The following MAPK14 variants were observed in gnomAD, a reference collection of about 807,000 sequenced individuals.
The protein encoded by MAPK14 is CSAID-binding protein.
A neutral mutation model predicts 49.6 loss-of-function variants in MAPK14; 16 were observed. The observed-to-expected ratio is 0.32, with a 90% CI of 0.22 to 0.49. The LOEUF (loss-of-function observed/expected upper bound fraction) is 0.49, where lower values mean the gene tolerates loss of function less well. Among genes scored for constraint, MAPK14 ranks in the 20% least tolerant of loss-of-function variants. The probability of loss-of-function intolerance (pLI) is 0.99; values close to 1 mark genes in which losing one functional copy is unlikely to be tolerated. For missense variants in MAPK14, 200 were observed against 441.2 expected (o/e 0.45, Z 4.90); for synonymous variants, 142 against 158.0 (o/e 0.90, Z 0.76).
At chr6:36,100,178 G>A in intron 9 of MAPK14, 1 of 1,585,752 alleles carries the variant, frequency 6.3e-7, no homozygotes, top group Non-Finnish European at 8.7e-7. Flanking sequence ...CCCTTGACTA[G>A]GCATCTAAGA....
chr6:36,060,659 G>A lies in MAPK14; in HGVS notation c.305+1312G>A, dbSNP rs373335380. On this transcript the variant is annotated intron_variant, in intron 3 of 11. Coordinates refer to ENST00000229794, the MANE Select transcript of MAPK14 (RefSeq NM_139012.3). Reference sequence around the variant, plus strand: ...TTATCCTGGGCTGATTGCAAACACCGTTTACTCCTTCCCCACAGAACACAA... The same window carrying A: ...TTATCCTGGGCTGATTGCAAACACCATTTACTCCTTCCCCACAGAACACAA... Among the ~76,000 whole-genome samples the A allele has an allele frequency of 1.3e-3, 196 of 152,050 alleles. 3 individuals carry two copies. The South Asian group carries it at 0.037, about 28-fold the overall frequency.
In MAPK14 at chr6:36,028,465, T is replaced by C. The variant is rs116078563; in HGVS notation, c.116+192T>C. 0.088 allele frequency among the ~76,000 whole-genome samples: 13,335 copies of C among 152,332 alleles called. 725 individuals are homozygous for C. Among genetic ancestry groups the C allele is most frequent in the Middle Eastern group, 0.12 (34 of 294 alleles). The stretch of plus-strand genomic sequence containing the variant: ...GCCCTGCACTCACGCAGGTATGCGG[T>C]CCACCGTGTGCAGCACTCAGGTCCG... On this transcript the variant is annotated intron_variant, in intron 1 of 11. Coordinates refer to ENST00000229794, the MANE Select transcript of MAPK14 (RefSeq NM_139012.3). The surrounding 1 kb of genome is among the most constrained non-coding windows in gnomAD (Gnocchi z 5.1).
At chr6:36,051,882 A>G in intron 1 of MAPK14, among the ~76,000 whole-genome samples, 1 of 152,086 alleles carries the variant, frequency 6.6e-6, no homozygotes. Flanking sequence ...TATAAACATT[A>G]ATATTATTAT....
chr6:36,080,736 G>T (rs1264733345), intron 8 of MAPK14, among the ~76,000 whole-genome samples: 3 of 152,002 alleles, frequency 2.0e-5, no homozygotes, highest in African/African-American at 7.3e-5. Context: ...GCATCATATG[G>T]TAACTCTATG....
At chr6:36,112,739 A>G (rs1418851919), downstream of MAPK14, among the ~76,000 whole-genome samples, 13 of 152,192 alleles carry the variant, frequency 8.5e-5, no homozygotes, top group Non-Finnish European at 1.5e-5. Context: ...CACACTTTTC[A>G]GAGCTTTTGC....
At chr6:36,119,798 CAT>C in the MAPK14 span, among the ~76,000 whole-genome samples, 1 of 152,136 alleles carries the variant, frequency 6.6e-6, no homozygotes, top group East Asian at 1.9e-4. Context: ...CCAGCAGAAA[CAT>C]GTCAGCAGTG....
At chr6:36,034,344 C>T (rs1321036925) in intron 1 of MAPK14, among the ~76,000 whole-genome samples, 1 of 152,104 alleles carries the variant, frequency 6.6e-6, no homozygotes, top group Non-Finnish European at 1.5e-5. Context: ...GATTGAAATT[C>T]TTCAGTGTAC....
chr6:36,062,900 C>A (rs904241395), intron 3 of MAPK14, among the ~76,000 whole-genome samples: 1 of 152,098 alleles, frequency 6.6e-6, no homozygotes, highest in Admixed American at 6.5e-5. Context: ...TCAAGTGATC[C>A]ACCCACCTCA....
intron 1 of MAPK14, among the ~76,000 whole-genome samples, chr6:36,033,076 A>G (rs1762604105): frequency 6.6e-6 from 1 of 152,038 alleles, no homozygotes; most frequent in Non-Finnish European, 1.5e-5. Flanking sequence ...ACTCCTGACC[A>G]GTGAGAAGGG....
rs534290322 is a variant in MAPK14, at chr6:36,040,831, G to A, written c.117-11868G>A. ...CTCCTGTCTTCTTTCAGTATTTAGC[G>A]TTTTCAAACTCCTAGAAATAAAATG... On this transcript the variant is annotated intron_variant, in intron 1 of 11. Transcript: ENST00000229794. Among the ~76,000 whole-genome samples, 35 of 152,220 alleles carry A rather than the reference G, an allele frequency of 2.3e-4. 1 individual carries two copies. The highest frequency in any genetic ancestry group is 6.8e-3 in the Middle Eastern group (2 of 294).
In MAPK14 at chr6:36,068,323, G is replaced by T. The variant is rs148462803; in HGVS notation, c.306-4550G>T. Reference sequence around the variant, plus strand: ...AATCAGAGACATAATTAGGGGCAGTGTACTGGATTAGGTAGGGCTTTATCT... The same window carrying T: ...AATCAGAGACATAATTAGGGGCAGTTTACTGGATTAGGTAGGGCTTTATCT... On this transcript the variant is annotated intron_variant, in intron 3 of 11. Transcript: ENST00000229794. 4.8e-3 allele frequency among the ~76,000 whole-genome samples: 738 copies of T among 152,302 alleles called. 9 individuals carry two copies. Among genetic ancestry groups the T allele is most frequent in the Middle Eastern group, 0.044 (13 of 294 alleles).
chr6:36,068,644 C>T (rs980621169), intron 3 of MAPK14, among the ~76,000 whole-genome samples: 1 of 152,160 alleles, frequency 6.6e-6, no homozygotes, highest in Non-Finnish European at 1.5e-5. Flanking sequence ...TAGTAAGAGA[C>T]GCCAGTCTAT....
chr6:36,101,625 TA>T (rs1186536682), intron 9 of MAPK14, among the ~76,000 whole-genome samples: 1 of 152,098 alleles, frequency 6.6e-6, no homozygotes, highest in East Asian at 1.9e-4. Flanking sequence ...GCGATCCTGT[TA>T]CCTCAGTCTC....
intron 8 of MAPK14, among the ~76,000 whole-genome samples, chr6:36,088,100 T>A (rs1384943169): frequency 6.6e-6 from 1 of 152,178 alleles, no homozygotes. Context: ...CTGGACCCCT[T>A]CCTTACACCT....
At chr6:36,076,874 A>C in intron 8 of MAPK14, 1 of 294,668 alleles carries the variant, frequency 3.4e-6, no homozygotes. Flanking sequence ...CTTATTAATC[A>C]TCCCACAGCA....
intron 9 of MAPK14, 89 bp downstream of exon 9, chr6:36,096,155 T>C (rs1765436933): frequency 1.1e-6 from 1 of 870,684 alleles, no homozygotes; most frequent in Non-Finnish European, 1.9e-6. Context: ...GGTGTGTTTG[T>C]AAGCACACAT....
rs1449249569 is a variant in MAPK14 at position 36,107,238 on chromosome 6, T to TA, written c.842-210dup. ...ATGTACCCCCAAATCAAAAATAAAATAAAAAAATTTTAAAACATAGAAAAT... is the reference window on the plus strand; with the variant it reads ...ATGTACCCCCAAATCAAAAATAAAATAAAAAAAATTTTAAAACATAGAAAAT... On this transcript the variant is annotated intron_variant, in intron 10 of 11. Coordinates refer to ENST00000229794, the MANE Select transcript of MAPK14 (RefSeq NM_139012.3). The surrounding 1 kb of genome is among the most constrained non-coding windows in gnomAD (Gnocchi z 4.3). Among the ~76,000 whole-genome samples, 1 of 147,240 alleles carries TA rather than the reference T, an allele frequency of 6.8e-6. No homozygotes were observed. Among genetic ancestry groups the TA allele is most frequent in the Non-Finnish European group, 1.5e-5 (1 of 67,274 alleles).
intron 3 of MAPK14, among the ~76,000 whole-genome samples, chr6:36,061,356 A>G (rs761086965): frequency 2.0e-5 from 3 of 152,192 alleles, no homozygotes. Context: ...GCCAGTGTCT[A>G]TTTAGAAGGT....
intron 1 of MAPK14, among the ~76,000 whole-genome samples, chr6:36,046,593 GA>G (rs1192243401): frequency 2.6e-5 from 4 of 152,124 alleles, no homozygotes; most frequent in Non-Finnish European, 5.9e-5. Context: ...TTAAGTGGCA[GA>G]ACTGGAATTA....
Sources: gnomAD v4.1 joint callset for allele counts (sites outside exome capture counted in the v4.1 genomes callset) on GRCh38, gnomAD v4.1.1 for gene constraint, Gnocchi (gnomAD v3.1) non-coding constraint, MANE v1.5 for transcripts, NCBI Gene and HGNC (gene_info 2026-07-23, HGNC 2026-07-21) for gene names.